Variants in EPC2 observed in about 807,000 individuals in gnomAD.
The protein encoded by EPC2 is enhancer of polycomb 2, also known as enhancer of polycomb homolog 2.
Under a neutral mutation model 92.1 loss-of-function variants are expected in EPC2, and 14 were observed. The observed-to-expected ratio is 0.15, with a 90% confidence interval of 0.10 to 0.24. The LOEUF (loss-of-function observed/expected upper bound fraction) is 0.24, where lower values mean the gene tolerates loss of function less well. Ranked by LOEUF, EPC2 falls within the 10% of genes least tolerant of loss-of-function variation. The probability of loss-of-function intolerance (pLI) is 1.00; values close to 1 mark genes in which losing one functional copy is unlikely to be tolerated. For missense variants in EPC2, 755 were observed against 971.5 expected (o/e 0.78, Z 2.96); for synonymous variants, 340 against 334.7 (o/e 1.02, Z -0.17).
At chr2:148,698,091 A>C (rs1681789239) in intron 2 of EPC2, among the ~76,000 whole-genome samples, 1 of 152,218 alleles carries the variant, frequency 6.6e-6, no homozygotes, top group Non-Finnish European at 1.5e-5. Flanking sequence ...AGGAGGCTAA[A>C]GTAGATAGCA....
intron 2 of EPC2, chr2:148,691,658 G>C: frequency 6.6e-7 from 1 of 1,525,066 alleles, no homozygotes; most frequent in Non-Finnish European, 8.9e-7. Flanking sequence ...CCACGTTAAA[G>C]TTTTTGCTTG....
chr2:148,727,465 T>A (rs1399689350), intron 2 of EPC2, among the ~76,000 whole-genome samples: 1 of 152,236 alleles, frequency 6.6e-6, no homozygotes, highest in Non-Finnish European at 1.5e-5. Flanking sequence ...AAATAAATAC[T>A]CTATTTAACT....
chr2:148,772,897 CA>C (rs970014827), intron 10 of EPC2, among the ~76,000 whole-genome samples: 28 of 152,234 alleles, frequency 1.8e-4, no homozygotes, highest in Non-Finnish European at 2.8e-4. Context: ...TAAACATTCT[CA>C]AAATAATTTT....
intron 2 of EPC2, among the ~76,000 whole-genome samples, chr2:148,704,532 A>G (rs1367994432): frequency 6.6e-6 from 1 of 152,264 alleles, no homozygotes; most frequent in Non-Finnish European, 1.5e-5. Flanking sequence ...GTATTTCAAC[A>G]CAATAAAAAA....
Position 148,787,385 on chromosome 2 carries a change from TGTAAG to T in EPC2, c.*1009_*1013del, listed in dbSNP as rs1389028482. 1 of 152,636 alleles carries T rather than the reference TGTAAG, an allele frequency of 6.6e-6. No individual in the cohort carries two copies. The highest frequency in any genetic ancestry group is 1.5e-5 in the Non-Finnish European group (1 of 68,032). 9.5% of individuals were successfully genotyped at this position (152,636 alleles called of 1,614,324 possible). A position where few individuals can be genotyped will look rare whatever the true frequency, so the allele number is the denominator to read the frequency against. The stretch of plus-strand genomic sequence containing the variant: ...AGTAACGGGTTGGAAAAAGTCTGAC[TGTAAG>T]CGTTGGACACCTTCATAGTGTAGTG... On this transcript the variant is annotated 3_prime_UTR_variant, in exon 14 of 14. Transcript: ENST00000258484.
intron 1 of EPC2, among the ~76,000 whole-genome samples, chr2:148,662,599 T>C (rs1027856729): frequency 4.0e-5 from 6 of 150,480 alleles, no homozygotes; most frequent in African/African-American, 9.8e-5. Flanking sequence ...TTGTCACTCA[T>C]AGGTGGGAAT....
At chr2:148,659,015 G>A (rs892299823) in intron 1 of EPC2, among the ~76,000 whole-genome samples, 1 of 152,006 alleles carries the variant, frequency 6.6e-6, no homozygotes, top group Non-Finnish European at 1.5e-5. Flanking sequence ...CAGTGCATGG[G>A]TGGTGGTGGT....
chr2:148,784,811 C>A lies in EPC2; in HGVS notation c.2161C>A (p.Pro721Thr), dbSNP rs750016406. 56 of 1,613,990 alleles carry A rather than the reference C, an allele frequency of 3.5e-5. No homozygotes were observed. The highest frequency in any genetic ancestry group is 4.6e-5 in the Non-Finnish European group (54 of 1,179,876). The change falls in exon 13 of 14, where the codon CCC (proline) becomes ACC (threonine). Residue 721 changes from proline (P) to threonine (T), a missense_variant. Physicochemically the swap from Pro to Thr is conservative, Grantham distance 38. Coordinates refer to ENST00000258484, the MANE Select transcript of EPC2 (RefSeq NM_015630.4). Reference protein sequence around the residue: ...ALCTSSPQTLPMNNSCLTNAV... With the variant: ...ALCTSSPQTLTMNNSCLTNAV... ...GTGCACAAGCAGTCCTCAGACACTTCCCATGAACAATTCCTGCCTGACAAA... is the reference window on the plus strand; with the variant it reads ...GTGCACAAGCAGTCCTCAGACACTTACCATGAACAATTCCTGCCTGACAAA...
intron 6 of EPC2, 45 bp downstream of exon 6, chr2:148,762,847 T>C (rs779678492): frequency 6.5e-7 from 1 of 1,539,372 alleles, no homozygotes; most frequent in African/African-American, 1.4e-5. Context: ...GTAATGTTGA[T>C]CAGAGGAGTT....
Position 148,754,020 on chromosome 2 carries a change from T to C in EPC2, c.553T>C (p.Cys185Arg), listed in dbSNP as rs1683128841. 1 of 1,611,524 alleles carries C rather than the reference T, an allele frequency of 6.2e-7. No homozygotes were observed. The highest frequency in any genetic ancestry group is 1.3e-5 in the African/African-American group (1 of 74,882). ...CTACTGGGTGAGAAAACGTAAAAAC[T>C]GCAGGGGGCCATCCCTCATTCCTCA... Reference protein sequence around the residue: ...YDYWVRKRKNCRGPSLIPQIK... With the variant: ...YDYWVRKRKNRRGPSLIPQIK... The change falls in exon 4 of 14, where the codon TGC (cysteine) becomes CGC (arginine). Residue 185 changes from cysteine (C) to arginine (R), a missense_variant. Around this residue, in one of 4 missense-constraint regions of EPC2, gnomAD observed 509 missense variants for 607.7 expected, o/e 0.84. Coordinates refer to ENST00000258484, the MANE Select transcript of EPC2 (RefSeq NM_015630.4).
At chr2:148,674,665 T>C (rs1157656954) in intron 1 of EPC2, among the ~76,000 whole-genome samples, 3 of 152,240 alleles carry the variant, frequency 2.0e-5, no homozygotes, top group Non-Finnish European at 2.9e-5. Flanking sequence ...CTTTCTCTCC[T>C]GAGGAAGAAG....
intron 2 of EPC2, among the ~76,000 whole-genome samples, chr2:148,694,523 A>G (rs1472520534): frequency 4.6e-5 from 7 of 152,216 alleles, no homozygotes; most frequent in African/African-American, 1.7e-4. Flanking sequence ...ACCTACTTTC[A>G]TTAAGTTACA....
Position 148,762,762 on chromosome 2 carries a change from A to G in EPC2, c.908A>G (p.His303Arg), listed in dbSNP as rs752138443. ...KELYATPATL[H>R]NGNHHKVQEC... is the part of the protein sequence containing the mutation. ...TTATATGCCACTCCAGCAACTCTTC[A>G]TAATGGAAATCATCACAAAGTTCAA... The change falls in exon 6 of 14, where the codon CAT becomes CGT. Residue 303 changes from histidine to arginine, a missense_variant. By Grantham distance (29) the His-to-Arg change is conservative. Coordinates refer to ENST00000258484, the MANE Select transcript of EPC2 (RefSeq NM_015630.4). 6 of 1,609,966 alleles carry G rather than the reference A, an allele frequency of 3.7e-6. No homozygotes were observed. Among genetic ancestry groups the G allele is most frequent in the Non-Finnish European group, 5.1e-6 (6 of 1,178,702 alleles).
intron 2 of EPC2, among the ~76,000 whole-genome samples, chr2:148,713,120 T>C (rs1051450998): frequency 1.3e-5 from 2 of 152,246 alleles, no homozygotes; most frequent in African/African-American, 4.8e-5. Flanking sequence ...TTAATCGTTA[T>C]GTTAGAATGT....
chr2:148,742,945 GTTCT>G (rs1159920705), intron 2 of EPC2, among the ~76,000 whole-genome samples: 3 of 151,494 alleles, frequency 2.0e-5, no homozygotes, highest in Non-Finnish European at 4.4e-5. Context: ...TTTTCTTTTT[GTTCT>G]TTGTCTTGAC....
At chr2:148,747,154 T>A (rs957884253) in intron 3 of EPC2, among the ~76,000 whole-genome samples, 1 of 152,022 alleles carries the variant, frequency 6.6e-6, no homozygotes, top group Non-Finnish European at 1.5e-5. Context: ...TTTTAGTTAC[T>A]GATTAACCTT....
intron 1 of EPC2, 156 bp downstream of exon 1, chr2:148,645,326 C>T (rs989949696): frequency 7.7e-6 from 5 of 652,046 alleles, no homozygotes; most frequent in African/African-American, 5.7e-5. Context: ...CGTAAACCCT[C>T]TCGGCCGGCG....
intron 7 of EPC2, among the ~76,000 whole-genome samples, chr2:148,766,031 G>A (rs1211134022): frequency 1.3e-5 from 2 of 152,066 alleles, no homozygotes; most frequent in African/African-American, 2.4e-5. Flanking sequence ...GCGAGACGAC[G>A]TCTCAAAAAC....
At chr2:148,682,256 C>G (rs566156752) in intron 1 of EPC2, among the ~76,000 whole-genome samples, 1 of 152,112 alleles carries the variant, frequency 6.6e-6, no homozygotes, top group Non-Finnish European at 1.5e-5. Flanking sequence ...ATTGCTGGGT[C>G]GAATGGTATT....
Sources: gnomAD v4.1 joint callset for allele counts (sites outside exome capture counted in the v4.1 genomes callset) on GRCh38, gnomAD v4.1.1 for gene constraint, gnomAD v4.1.1 regional missense constraint, MANE v1.5 for transcripts, NCBI Gene and HGNC (gene_info 2026-07-23, HGNC 2026-07-21) for gene names.